Variants in NRN1 observed in about 807,000 individuals in gnomAD.
NRN1 encodes the protein neuritin.
NRN1 carries 4 observed loss-of-function variants against 15.0 expected under a neutral mutation model. That is an observed-to-expected ratio of 0.27 (90% CI 0.13 to 0.61). NRN1 has a LOEUF of 0.61. Ranked by LOEUF, NRN1 falls within the 20% of genes least tolerant of loss-of-function variation. The pLI is 0.87. For synonymous variants in NRN1, 85 were observed against 79.8 expected (o/e 1.07, Z -0.35); for missense variants, 134 against 181.9 (o/e 0.74, Z 1.51).
chr6:6,002,105 T>C (rs1459090391), intron 2 of NRN1, among the ~76,000 whole-genome samples: 1 of 152,250 alleles, frequency 6.6e-6, no homozygotes, highest in Non-Finnish European at 1.5e-5. Flanking sequence ...CGCGTAGAGC[T>C]GGGACTGGGT....
At chr6:6,004,070 G>T in intron 1 of NRN1, 1 of 1,119,198 alleles carries the variant, frequency 8.9e-7, no homozygotes. Flanking sequence ...GTACCCGTTT[G>T]CAAATTGCTG....
intron 1 of NRN1, among the ~76,000 whole-genome samples, chr6:6,003,437 G>T (rs907957315): frequency 2.0e-5 from 3 of 152,140 alleles, no homozygotes; most frequent in Non-Finnish European, 2.9e-5. Context: ...CCGCCAAAAA[G>T]CCCGCCTACA....
Position 5,999,218 on chromosome 6 carries a change from GAAC to G in NRN1, c.201-17_201-15del. On this transcript the variant is annotated splice_polypyrimidine_tract_variant and intron_variant, in intron 2 of 2. Coordinates refer to ENST00000244766, the MANE Select transcript of NRN1 (RefSeq NM_016588.3). ...TCCTCCCAGTATCTGGTGAGGAACA[GAAC>G]AAAACAGAACAAGCAGGTTCACTTG... 6.3e-7 allele frequency: 1 copy of G among 1,596,008 alleles called. No individual in the cohort carries two copies. Among genetic ancestry groups the G allele is most frequent in the Non-Finnish European group, 8.6e-7 (1 of 1,165,370 alleles).
chr6:6,004,752 C>T (rs990025357), intron 1 of NRN1, among the ~76,000 whole-genome samples: 41 of 152,294 alleles, frequency 2.7e-4, no homozygotes, highest in African/African-American at 9.6e-4. Context: ...TCCTGAACCC[C>T]GCTTAGGCGA....
upstream of NRN1, chr6:6,007,026 C>A (rs964932621): frequency 8.8e-6 from 4 of 453,716 alleles, no homozygotes; most frequent in Non-Finnish European, 1.6e-5. Context: ...TACAGCCTCA[C>A]GCCCACGAGC....
In NRN1 at chr6:5,999,194, C is replaced by T. The variant is rs760401318; in HGVS notation, c.211G>A (p.Asp71Asn). Residue 71 changes from aspartate (D) to asparagine (N), a missense_variant, in exon 3 of 3, where the codon GAT becomes AAT. Coordinates refer to ENST00000244766, the MANE Select transcript of NRN1 (RefSeq NM_016588.3). ...NIKTVCTYWE[D>N]FHSCTVTALT... Reference sequence around the variant, plus strand: ...GCTGTGACCGTGCAGCTGTGGAAATCCTCCCAGTATCTGGTGAGGAACAGA... The same window carrying T: ...GCTGTGACCGTGCAGCTGTGGAAATTCTCCCAGTATCTGGTGAGGAACAGA... 1.9e-6 allele frequency: 3 copies of T among 1,613,366 alleles called. No individual in the cohort carries two copies. The highest frequency in any genetic ancestry group is 1.3e-5 in the African/African-American group (1 of 74,942).
chr6:5,999,422 G>A (rs1243131201), intron 2 of NRN1, among the ~76,000 whole-genome samples: 1 of 152,228 alleles, frequency 6.6e-6, no homozygotes, highest in Non-Finnish European at 1.5e-5. Context: ...AGCGGGGGTG[G>A]GGGGGCGCCC....
In NRN1 at chr6:5,998,693, T is replaced by C; in HGVS notation, c.*283A>G. The C allele has an allele frequency of 3.3e-6, 1 of 302,550 alleles. No individual in the cohort carries two copies. The highest frequency in any genetic ancestry group is 6.0e-6 in the Non-Finnish European group (1 of 166,006). 18.7% of individuals were successfully genotyped at this position (302,550 alleles called of 1,614,324 possible). A position where few individuals can be genotyped will look rare whatever the true frequency, so the allele number is the denominator to read the frequency against. On this transcript the variant is annotated 3_prime_UTR_variant, in exon 3 of 3. Coordinates refer to ENST00000244766, the MANE Select transcript of NRN1 (RefSeq NM_016588.3). The stretch of plus-strand genomic sequence containing the variant: ...AATTAATAATAATAAAATTAAAAAA[T>C]GGGGTGGGTTTGCCGTTTTCTTATT...
intron 1 of NRN1, chr6:6,003,100 G>C: frequency 1.2e-6 from 1 of 867,238 alleles, no homozygotes; most frequent in Non-Finnish European, 1.5e-6. Flanking sequence ...ATGAATGAAC[G>C]AATATAGTCC....
upstream of NRN1, chr6:6,006,985 G>A: frequency 2.0e-6 from 1 of 509,216 alleles, no homozygotes; most frequent in Non-Finnish European, 3.5e-6. Context: ...AGCTGGGAAT[G>A]GTTCACTCCA....
Position 5,999,213 on chromosome 6 carries a change from G to A in NRN1, c.201-9C>T. ...GGAAATCCTCCCAGTATCTGGTGAG[G>A]AACAGAACAAAACAGAACAAGCAGG... On this transcript the variant is annotated splice_polypyrimidine_tract_variant and intron_variant, in intron 2 of 2. Coordinates refer to ENST00000244766, the MANE Select transcript of NRN1 (RefSeq NM_016588.3). 1 of 1,608,810 alleles carries A rather than the reference G, an allele frequency of 6.2e-7. No individual in the cohort carries two copies. Among genetic ancestry groups the A allele is most frequent in the Non-Finnish European group, 8.5e-7 (1 of 1,176,214 alleles).
chr6:6,002,260 C>T, intron 2 of NRN1, 93 bp downstream of exon 2: 1 of 1,490,476 alleles, frequency 6.7e-7, no homozygotes, highest in Non-Finnish European at 9.2e-7. Flanking sequence ...CGCGCTGGCG[C>T]TGAACGCTGA....
At chr6:6,006,616 G>A in intron 1 of NRN1, 79 bp downstream of exon 1, 8 of 1,426,868 alleles carry the variant, frequency 5.6e-6, no homozygotes, top group Non-Finnish European at 3.0e-6. Context: ...CCGCGGACCC[G>A]CTAGTCCCCC....
intron 2 of NRN1, among the ~76,000 whole-genome samples, chr6:6,001,224 C>T (rs987615250): frequency 3.9e-5 from 6 of 152,194 alleles, no homozygotes; most frequent in Non-Finnish European, 7.3e-5. Flanking sequence ...TTCCACCAGT[C>T]CCCTTTGCCC....
chr6:5,999,264 C>A, intron 2 of NRN1, 60 bp from the exon 3 acceptor site: 1 of 1,464,660 alleles, frequency 6.8e-7, no homozygotes, highest in Admixed American at 1.7e-5. Flanking sequence ...GGGAACACCC[C>A]GGGCTTGCGC....
rs892726861 is a variant in NRN1 at position 5,998,042 on chromosome 6, G to A, written c.*934C>T. Reference sequence around the variant, plus strand: ...ATTTTATACTTCTCTATACTTTGTAGCAAATCTTTTTTTGCTGAATTTAAT... The same window carrying A: ...ATTTTATACTTCTCTATACTTTGTAACAAATCTTTTTTTGCTGAATTTAAT... On this transcript the variant is annotated 3_prime_UTR_variant, in exon 3 of 3. Coordinates refer to ENST00000244766, the MANE Select transcript of NRN1 (RefSeq NM_016588.3). The A allele has an allele frequency of 1.3e-5, 2 of 152,208 alleles. No homozygotes were observed. Among genetic ancestry groups the A allele is most frequent in the East Asian group, 3.9e-4 (2 of 5,184 alleles). The allele number at this position is 152,208 out of a possible 1,614,324, so 9.4% of individuals were successfully genotyped here. A position where few individuals can be genotyped will look rare whatever the true frequency, so the allele number is the denominator to read the frequency against.
At chr6:6,006,371 A>C (rs1176466985) in intron 1 of NRN1, among the ~76,000 whole-genome samples, 1 of 152,194 alleles carries the variant, frequency 6.6e-6, no homozygotes, top group Non-Finnish European at 1.5e-5. Flanking sequence ...GGGCCAGTAC[A>C]TTGCCCCAGA....
At position 6,001,413 on chromosome 6, in the gene NRN1, G is replaced by T. The variant is rs762063966; in HGVS notation, c.200+940C>A. ...AAGAATGGGTGTTGCAGAGGACAGG[G>T]GTGTTTTCTAAGGTCTGCAGCAGCT... is the stretch of plus-strand genomic sequence containing the variant. On this transcript the variant is annotated intron_variant, in intron 2 of 2. Coordinates refer to ENST00000244766, the MANE Select transcript of NRN1 (RefSeq NM_016588.3). 2.0e-5 allele frequency among the ~76,000 whole-genome samples: 3 copies of T among 152,150 alleles called. No individual in the cohort carries two copies. In the East Asian group the frequency reaches 5.8e-4, roughly 29 times the overall value.
At chr6:6,002,266 G>GC (rs1757969255) in intron 2 of NRN1, 87 bp downstream of exon 2, 1 of 1,506,362 alleles carries the variant, frequency 6.6e-7, no homozygotes, top group African/African-American at 1.4e-5. Context: ...GGCGCTGAAC[G>GC]CTGAGCGCAG....
Sources: allele counts gnomAD v4.1 joint callset (sites outside exome capture counted in the v4.1 genomes callset), GRCh38; gene constraint gnomAD v4.1.1; transcripts MANE v1.5; gene names NCBI Gene and HGNC (gene_info 2026-07-23, HGNC 2026-07-21).